Variants in NDUFS4 observed in about 807,000 individuals in gnomAD.
The protein encoded by NDUFS4 is NADH:ubiquinone oxidoreductase subunit S4.
In NDUFS4, 28 loss-of-function variants were observed where a neutral mutation model predicts 24.3. The ratio of observed to expected loss-of-function variants is 1.15; its 90% confidence interval spans 0.85 to 1.58. NDUFS4 has a LOEUF of 1.58. Among genes scored for constraint, NDUFS4 ranks in the 40% most tolerant of loss-of-function variants. The probability of loss-of-function intolerance (pLI) is 0.00; values close to 1 mark genes in which losing one functional copy is unlikely to be tolerated. For missense variants in NDUFS4, 223 were observed against 207.9 expected (o/e 1.07, Z -0.45); for synonymous variants, 93 against 69.7 (o/e 1.34, Z -1.67).
At chr5:53,663,928 C>G (rs1158023940) in intron 4 of NDUFS4, among the ~76,000 whole-genome samples, 1 of 152,096 alleles carries the variant, frequency 6.6e-6, no homozygotes, top group South Asian at 2.1e-4. Flanking sequence ...TTCTTAGCCT[C>G]GATGGTCTTT....
Position 53,582,210 on chromosome 5 carries a change from CAAAAT to C in NDUFS4, c.99-21211_99-21207del, listed in dbSNP as rs374195906. Reference sequence around the variant, plus strand: ...TGAGCAACAGAGTGAGACTCTGTCTCAAAATAAAATAAAATAAAATAAAATAAAAT... The same window carrying C: ...TGAGCAACAGAGTGAGACTCTGTCTCAAAATAAAATAAAATAAAATAAAAT... On this transcript the variant is annotated intron_variant, in intron 1 of 4. Coordinates refer to ENST00000296684, the MANE Select transcript of NDUFS4 (RefSeq NM_002495.4). Among the ~76,000 whole-genome samples, 555 of 117,810 alleles carry C rather than the reference CAAAAT, an allele frequency of 4.7e-3. 2 individuals carry two copies. The highest frequency in any genetic ancestry group is 0.021 in the East Asian group (77 of 3,682). 77.3% of individuals were successfully genotyped at this position (117,810 alleles called of 152,430 possible).
At chr5:53,586,467 TTACTG>T (rs1449031348) in intron 1 of NDUFS4, among the ~76,000 whole-genome samples, 7 of 152,290 alleles carry the variant, frequency 4.6e-5, no homozygotes, top group African/African-American at 1.4e-4. Flanking sequence ...GTAGCAAACT[TTACTG>T]TAGTTGTTCA....
intron 2 of NDUFS4, among the ~76,000 whole-genome samples, chr5:53,619,739 T>C (rs1750972740): frequency 6.6e-6 from 1 of 152,226 alleles, no homozygotes; most frequent in Non-Finnish European, 1.5e-5. Flanking sequence ...ACAAATTGTT[T>C]TACAGTTTTT....
intron 1 of NDUFS4, among the ~76,000 whole-genome samples, chr5:53,574,725 G>C (rs1749328308): frequency 6.6e-6 from 1 of 151,814 alleles, no homozygotes; most frequent in Admixed American, 6.6e-5. Flanking sequence ...ATTATTTAGA[G>C]GTGTTTTGTT....
At chr5:53,575,068 T>G (rs1340285988) in intron 1 of NDUFS4, among the ~76,000 whole-genome samples, 1 of 152,216 alleles carries the variant, frequency 6.6e-6, no homozygotes, top group Non-Finnish European at 1.5e-5. Flanking sequence ...CTATGGCTGA[T>G]TCATGGTGTA....
chr5:53,624,526 G>A (rs897638571), intron 2 of NDUFS4, among the ~76,000 whole-genome samples: 1 of 151,980 alleles, frequency 6.6e-6, no homozygotes, highest in Non-Finnish European at 1.5e-5. Context: ...AGTGTTTTGC[G>A]GTTTTCAGTG....
intron 4 of NDUFS4, among the ~76,000 whole-genome samples, chr5:53,667,928 ATTTC>A (rs1286089284): frequency 6.6e-6 from 1 of 152,192 alleles, no homozygotes; most frequent in African/African-American, 2.4e-5. Context: ...GTTCGTCTTT[ATTTC>A]TTTGCTATCT....
chr5:53,579,523 C>T (rs1267579064), intron 1 of NDUFS4, among the ~76,000 whole-genome samples: 1 of 152,136 alleles, frequency 6.6e-6, no homozygotes, highest in African/African-American at 2.4e-5. Context: ...GCCTGGGCAA[C>T]ATAGCAAGAC....
At chr5:53,666,384 C>G (rs544951175) in intron 4 of NDUFS4, among the ~76,000 whole-genome samples, 2 of 152,148 alleles carry the variant, frequency 1.3e-5, no homozygotes, top group Admixed American at 1.3e-4. Flanking sequence ...AAATCAAGTG[C>G]CTTTCTATCT....
chr5:53,660,606 A>G (rs1752306408), intron 4 of NDUFS4, among the ~76,000 whole-genome samples: 1 of 152,164 alleles, frequency 6.6e-6, no homozygotes, highest in Non-Finnish European at 1.5e-5. Context: ...ACTAGTTTGC[A>G]GTCCCACCGA....
intron 2 of NDUFS4, among the ~76,000 whole-genome samples, chr5:53,612,650 A>G (rs925832461): frequency 2.6e-5 from 4 of 152,128 alleles, no homozygotes; most frequent in African/African-American, 9.6e-5. Flanking sequence ...CCAAATAGCA[A>G]TTAAACAGCA....
intron 1 of NDUFS4, among the ~76,000 whole-genome samples, chr5:53,567,303 T>C (rs922538215): frequency 1.3e-5 from 2 of 152,218 alleles, no homozygotes; most frequent in African/African-American, 4.8e-5. Flanking sequence ...CAAACCCTAA[T>C]GTCCTCTCTG....
At chr5:53,643,405 T>C (rs982723336) in intron 2 of NDUFS4, among the ~76,000 whole-genome samples, 3 of 152,104 alleles carry the variant, frequency 2.0e-5, no homozygotes, top group South Asian at 4.1e-4. Flanking sequence ...TTAAATAGTT[T>C]GCGGATTTTA....
At position 53,597,593 on chromosome 5, in the gene NDUFS4, A is replaced by C. The variant is rs576146143; in HGVS notation, c.99-5859A>C. ...ATGTTTTAAAAATCTTCACTGTTTA[A>C]GACTTTTTGAAAAGTGTATTTTGAA... On this transcript the variant is annotated intron_variant, in intron 1 of 4. Coordinates refer to ENST00000296684, the MANE Select transcript of NDUFS4 (RefSeq NM_002495.4). 1.2e-3 allele frequency among the ~76,000 whole-genome samples: 177 copies of C among 152,328 alleles called. 1 individual carries two copies. The highest frequency in any genetic ancestry group is 0.01 in the Middle Eastern group (3 of 294).
chr5:53,648,876 A>G (rs1751939271), intron 3 of NDUFS4, among the ~76,000 whole-genome samples: 1 of 152,168 alleles, frequency 6.6e-6, no homozygotes, highest in African/African-American at 2.4e-5. Flanking sequence ...TATCCCCACC[A>G]ATGTGAGATG....
intron 2 of NDUFS4, among the ~76,000 whole-genome samples, chr5:53,630,054 T>A (rs1751361162): frequency 6.6e-6 from 1 of 152,148 alleles, no homozygotes; most frequent in Non-Finnish European, 1.5e-5. Context: ...CCTTCAGGAG[T>A]TCTTGTTAAG....
At chr5:53,587,547 A>G (rs868481432) in intron 1 of NDUFS4, among the ~76,000 whole-genome samples, 7 of 151,656 alleles carry the variant, frequency 4.6e-5, no homozygotes, top group African/African-American at 1.5e-4. Flanking sequence ...CTGAAACTCA[A>G]TTATAAATAT....
rs974115349 is a variant in NDUFS4, at chr5:53,664,820, T to G, written c.424+6196T>G. On this transcript the variant is annotated intron_variant, in intron 4 of 4. Transcript: ENST00000296684. ...AGTAGTTTGATCGTCTGAAGCCTTC[T>G]GTCAACTCGTCAAAGTCATTCTCCA... is the stretch of plus-strand genomic sequence containing the variant. Among the ~76,000 whole-genome samples the G allele has an allele frequency of 3.9e-5, 6 of 152,354 alleles. No homozygotes were observed. The East Asian group carries it at 1.2e-3, about 29-fold the overall frequency.
intron 2 of NDUFS4, among the ~76,000 whole-genome samples, chr5:53,607,679 A>T (rs1448431658): frequency 6.6e-6 from 1 of 152,168 alleles, no homozygotes; most frequent in Non-Finnish European, 1.5e-5. Flanking sequence ...AGAGCAATGG[A>T]TTTTAAGTAA....
Sources: allele counts gnomAD v4.1 joint callset (sites outside exome capture counted in the v4.1 genomes callset), GRCh38; gene constraint gnomAD v4.1.1; transcripts MANE v1.5; gene names NCBI Gene and HGNC (gene_info 2026-07-23, HGNC 2026-07-21).